The following TNRC18 variants were observed in gnomAD, a reference collection of about 807,000 sequenced individuals.
TNRC18 encodes trinucleotide repeat-containing gene 18 protein.
A neutral mutation model predicts 226.7 loss-of-function variants in TNRC18; 69 were observed. That is an observed-to-expected ratio of 0.30 (90% CI 0.25 to 0.37). The LOEUF is 0.37. Ranked by LOEUF, TNRC18 falls within the 10% of genes least tolerant of loss-of-function variation. The probability of loss-of-function intolerance (pLI) is 1.00; values close to 1 mark genes in which losing one functional copy is unlikely to be tolerated. For missense variants in TNRC18, 4,754 were observed against 4,256.6 expected, an observed-to-expected ratio of 1.12 and a Z score of -3.25; for synonymous variants, 2,449 against 1,927.6, an observed-to-expected ratio of 1.27 and a Z score of -7.09.
intron 18 of TNRC18, among the ~76,000 whole-genome samples, chr7:5,339,124 C>G (rs1790412800): frequency 6.6e-6 from 1 of 151,562 alleles, no homozygotes; most frequent in Non-Finnish European, 1.5e-5. Context: ...AGAGCGAGAC[C>G]TCTTCTCTAC....
At chr7:5,334,327 C>T (rs1402631084) in intron 18 of TNRC18, among the ~76,000 whole-genome samples, 2 of 151,736 alleles carry the variant, frequency 1.3e-5, no homozygotes, top group African/African-American at 2.4e-5. Flanking sequence ...GACGGAGTCT[C>T]GCTTTGTCGC....
At chr7:5,405,502 G>C (rs962254206) in intron 2 of TNRC18, among the ~76,000 whole-genome samples, 26 of 152,134 alleles carry the variant, frequency 1.7e-4, no homozygotes, top group African/African-American at 6.3e-4. Context: ...CCGGGAGGCG[G>C]AGGTTGCAGT....
intron 19 of TNRC18, chr7:5,330,054 G>C: frequency 2.1e-6 from 1 of 468,684 alleles, no homozygotes. Flanking sequence ...CCCAAGAACA[G>C]ACACTGTTAA....
chr7:5,375,656 C>G (rs867332990), intron 9 of TNRC18, among the ~76,000 whole-genome samples: 1 of 152,134 alleles, frequency 6.6e-6, no homozygotes, highest in African/African-American at 2.4e-5. Context: ...TGTGCCTCTC[C>G]GAGAGGCCAC....
intron 11 of TNRC18, among the ~76,000 whole-genome samples, chr7:5,369,598 G>C (rs552623534): frequency 1.3e-5 from 2 of 152,016 alleles, no homozygotes; most frequent in African/African-American, 4.8e-5. Context: ...GGAAGGAGAC[G>C]GGGACACAGA....
chr7:5,312,995 A>AGAGGAGGAT lies in TNRC18; in HGVS notation c.7887_7895dup (p.Ser2669_Ser2671dup), dbSNP rs1253329046. The AGAGGAGGAT allele has an allele frequency of 9.2e-6, 8 of 873,728 alleles. No homozygotes were observed. Among genetic ancestry groups the AGAGGAGGAT allele is most frequent in the Admixed American group, 2.2e-5 (1 of 45,858 alleles). 54.1% of individuals were successfully genotyped at this position (873,728 alleles called of 1,614,324 possible). On this transcript the variant is annotated inframe_insertion, in exon 27 of 30. Coordinates refer to ENST00000430969, the MANE Select transcript of TNRC18 (RefSeq NM_001080495.3). The surrounding 1 kb of genome is among the most constrained non-coding windows in gnomAD (Gnocchi z 6.3). ...AGGAGGAGGAAGAGGAGGAGGAGGA[A>AGAGGAGGAT]GAGGAGGATGAGGAGGAGGAGGAGG...
intron 16 of TNRC18, among the ~76,000 whole-genome samples, chr7:5,353,442 C>T (rs1792038690): frequency 6.6e-6 from 1 of 151,876 alleles, no homozygotes; most frequent in African/African-American, 2.4e-5. Context: ...GCCTGTTATC[C>T]CAGCTACTCC....
Position 5,312,260 on chromosome 7 carries a change from G to A in TNRC18, c.8388+243C>T, listed in dbSNP as rs1019223466. 5.3e-5 allele frequency among the ~76,000 whole-genome samples: 8 copies of A among 152,194 alleles called. No individual in the cohort carries two copies. The highest frequency in any genetic ancestry group is 2.0e-4 in the Admixed American group (3 of 15,280). On this transcript the variant is annotated intron_variant, in intron 27 of 29. Coordinates refer to ENST00000430969, the MANE Select transcript of TNRC18 (RefSeq NM_001080495.3). The surrounding 1 kb of genome is among the most constrained non-coding windows in gnomAD (Gnocchi z 6.3). ...CTGGGCTCCACGAGGGTGGCTCTGC[G>A]TCCCGGGACCAGAGGGCAGGACCAC...
In TNRC18 at chr7:5,371,169, T is replaced by C; in HGVS notation, c.3425A>G (p.Glu1142Gly). 1.2e-6 allele frequency: 2 copies of C among 1,607,574 alleles called. No individual in the cohort carries two copies. ...PIRLSPSKIT[E>G]PLREGPEEEP... ...TTCCTCCGGGCCCTCCCGCAGCGGC[T>C]CTGTGATCTTGGAGGGGGACAAGCG... The change falls in exon 11 of 30, where the codon GAG becomes GGG. Residue 1142 changes from glutamate (E) to glycine (G), a missense_variant. By Grantham distance (98) the Glu-to-Gly change is moderately conservative (BLOSUM62 -2). Transcript: ENST00000430969.
rs555346817 is a variant in TNRC18, at chr7:5,358,640, C to T, written c.4833+758G>A. 9.3e-4 allele frequency among the ~76,000 whole-genome samples: 141 copies of T among 152,200 alleles called. 1 individual carries two copies. The highest frequency in any genetic ancestry group is 6.8e-3 in the Middle Eastern group (2 of 294). ...GCCAGCCTGGCCAAGATGGTGAAACCCCATCTCTACTAAAAATACAAAAAT... is the reference window on the plus strand; with the variant it reads ...GCCAGCCTGGCCAAGATGGTGAAACTCCATCTCTACTAAAAATACAAAAAT... On this transcript the variant is annotated intron_variant, in intron 15 of 29. Coordinates refer to ENST00000430969, the MANE Select transcript of TNRC18 (RefSeq NM_001080495.3).
At chr7:5,386,384 C>A (rs1401710931) in intron 5 of TNRC18, among the ~76,000 whole-genome samples, 3 of 152,018 alleles carry the variant, frequency 2.0e-5, no homozygotes, top group African/African-American at 7.2e-5. Context: ...TGAGACCAGC[C>A]TGGCCAACAT....
At chr7:5,357,547 G>A (rs1792576738) in intron 15 of TNRC18, among the ~76,000 whole-genome samples, 1 of 152,172 alleles carries the variant, frequency 6.6e-6, no homozygotes, top group South Asian at 2.1e-4. Flanking sequence ...GACTAGCTGG[G>A]AGTCGCAAGT....
chr7:5,376,247 C>T (rs778301221), intron 8 of TNRC18, 23 bp from the exon 9 acceptor site: 1 of 1,451,384 alleles, frequency 6.9e-7, no homozygotes, highest in Non-Finnish European at 9.0e-7. Flanking sequence ...AGACAGTGCG[C>T]TGCACCTGCG....
chr7:5,405,074 G>C (rs1268151301), intron 2 of TNRC18, among the ~76,000 whole-genome samples: 1 of 151,622 alleles, frequency 6.6e-6, no homozygotes, highest in Non-Finnish European at 1.5e-5. Flanking sequence ...CCGAGATTCT[G>C]CCACTGCACT....
At chr7:5,363,776 G>A (rs758631043) in intron 11 of TNRC18, among the ~76,000 whole-genome samples, 2 of 152,022 alleles carry the variant, frequency 1.3e-5, no homozygotes, top group Non-Finnish European at 2.9e-5. Flanking sequence ...ATTTGTACGT[G>A]CATTTTTCCA....
rs566804238 is a variant in TNRC18, at chr7:5,308,323, G to A, written c.8701-11C>T. Reference sequence around the variant, plus strand: ...CTGGTATAGCGCGCGCTGCGGGCACGCGGGGATATCAGGATGGCAGGTGGG... The same window carrying A: ...CTGGTATAGCGCGCGCTGCGGGCACACGGGGATATCAGGATGGCAGGTGGG... On this transcript the variant is annotated splice_polypyrimidine_tract_variant and intron_variant, in intron 29 of 29. Coordinates refer to ENST00000430969, the MANE Select transcript of TNRC18 (RefSeq NM_001080495.3). The A allele has an allele frequency of 3.1e-5, 50 of 1,603,704 alleles. No homozygotes were observed. Among genetic ancestry groups the A allele is most frequent in the Admixed American group, 2.0e-4 (12 of 58,584 alleles).
In TNRC18 at chr7:5,315,431, T is replaced by G. The variant is rs1182223433; in HGVS notation, c.6863-283A>C. On this transcript the variant is annotated intron_variant, in intron 25 of 29. Coordinates refer to ENST00000430969, the MANE Select transcript of TNRC18 (RefSeq NM_001080495.3). ...CTTTTGTTGGGTTTTTTTTTTTTTT[T>G]TTTTTTTTTTTAAAACAGAGTCTCG... Among the ~76,000 whole-genome samples the G allele has an allele frequency of 1.4e-4, 21 of 151,638 alleles. No homozygotes were observed. In the South Asian group the frequency reaches 1.9e-3, roughly 14 times the overall value.
At chr7:5,350,172 C>T (rs1474435206) in intron 17 of TNRC18, among the ~76,000 whole-genome samples, 1 of 151,898 alleles carries the variant, frequency 6.6e-6, no homozygotes, top group African/African-American at 2.4e-5. Context: ...TAAACTAACC[C>T]AGCTCATCCA....
chr7:5,422,347 C>G (rs1782636109), intron 1 of TNRC18, among the ~76,000 whole-genome samples: 1 of 145,740 alleles, frequency 6.9e-6, no homozygotes, highest in South Asian at 2.3e-4. Flanking sequence ...CACAACCACC[C>G]CCCAAAATAA....
Sources: allele counts gnomAD v4.1 joint callset (sites outside exome capture counted in the v4.1 genomes callset), GRCh38; gene constraint gnomAD v4.1.1; non-coding constraint Gnocchi (gnomAD v3.1); transcripts MANE v1.5; gene names NCBI Gene and HGNC (gene_info 2026-07-23, HGNC 2026-07-21).